NBEA: variants seen among roughly 807,000 people sequenced by gnomAD.
The protein encoded by NBEA is lysosomal-trafficking regulator 2.
Under a neutral mutation model 343.4 loss-of-function variants are expected in NBEA, and 44 were observed. That is an observed-to-expected ratio of 0.13 (90% CI 0.10 to 0.16). The LOEUF is 0.16. Among genes scored for constraint, NBEA ranks in the 10% least tolerant of loss-of-function variants. NBEA has a pLI of 1.00. For synonymous variants in NBEA, 1,175 were observed against 1,238.7 expected, an observed-to-expected ratio of 0.95 and a Z score of 1.08; for missense variants, 2,555 against 3,631.3, an observed-to-expected ratio of 0.70 and a Z score of 7.62.
intron 31 of NBEA, among the ~76,000 whole-genome samples, chr13:35,202,545 A>G (rs1593727235): frequency 1.3e-5 from 2 of 152,164 alleles, no homozygotes; most frequent in East Asian, 1.9e-4. Context: ...ATGTACACAG[A>G]TAAGATAGTA....
chr13:35,150,412 G>T (rs1220323135), intron 18 of NBEA, among the ~76,000 whole-genome samples: 1 of 151,972 alleles, frequency 6.6e-6, no homozygotes, highest in Non-Finnish European at 1.5e-5. Flanking sequence ...ACTGTTTCTG[G>T]ATCACCAGAG....
At position 35,121,786 on chromosome 13, in the gene NBEA, G is replaced by T. The variant is rs1484146626; in HGVS notation, c.2244-1696G>T. ...TAAAAATAATGACTTTAAGCTATTT[G>T]TTCCCCTTTGTATCACTGAAACTAT... On this transcript the variant is annotated intron_variant, in intron 16 of 58. Transcript: ENST00000379939. 2.6e-5 allele frequency among the ~76,000 whole-genome samples: 4 copies of T among 151,934 alleles called. No individual in the cohort carries two copies. The East Asian group carries it at 5.8e-4, about 22-fold the overall frequency.
chr13:35,441,155 C>G (rs2152937092), intron 39 of NBEA, among the ~76,000 whole-genome samples: 1 of 152,208 alleles, frequency 6.6e-6, no homozygotes, highest in South Asian at 2.1e-4. Flanking sequence ...TCAAAAATCT[C>G]CTACCCCCAT....
intron 39 of NBEA, among the ~76,000 whole-genome samples, chr13:35,440,968 C>T (rs527832681): frequency 1.6e-4 from 24 of 152,290 alleles, no homozygotes; most frequent in Admixed American, 1.1e-3. Flanking sequence ...GTATCATTCC[C>T]AGGATATGTA....
chr13:35,630,361 A>G (rs1178485565), intron 49 of NBEA, among the ~76,000 whole-genome samples: 2 of 152,236 alleles, frequency 1.3e-5, no homozygotes, highest in Non-Finnish European at 2.9e-5. Context: ...TTAATGAAAC[A>G]TTACATAGAA....
intron 1 of NBEA, among the ~76,000 whole-genome samples, chr13:34,987,229 A>G (rs1318835267): frequency 6.6e-6 from 1 of 150,788 alleles, no homozygotes; most frequent in Non-Finnish European, 1.5e-5. Context: ...CTTGTCTGTA[A>G]AGGATTTTAT....
chr13:35,349,246 C>A lies in NBEA; in HGVS notation c.6012+30C>A, dbSNP rs202124350. Reference sequence around the variant, plus strand: ...GGTTTTGGGAGTAGACTAAATTCTGCCTTTCTATTATAAGCCAAAAATCAC... The same window carrying A: ...GGTTTTGGGAGTAGACTAAATTCTGACTTTCTATTATAAGCCAAAAATCAC... On this transcript the variant is annotated intron_variant, in intron 37 of 58. Transcript: ENST00000379939. 3.6e-6 allele frequency: 5 copies of A among 1,378,150 alleles called. No individual in the cohort carries two copies. The East Asian group carries it at 9.5e-5, about 26-fold the overall frequency. 85.4% of individuals were successfully genotyped at this position (1,378,150 alleles called of 1,614,324 possible).
intron 1 of NBEA, among the ~76,000 whole-genome samples, chr13:34,973,765 C>A (rs1356440270): frequency 6.6e-6 from 1 of 152,188 alleles, no homozygotes; most frequent in Non-Finnish European, 1.5e-5. Context: ...GTCTTATCCT[C>A]TGTGGTGCCA....
intron 48 of NBEA, among the ~76,000 whole-genome samples, chr13:35,621,131 G>A (rs1193732507): frequency 6.6e-6 from 1 of 152,158 alleles, no homozygotes; most frequent in Non-Finnish European, 1.5e-5. Context: ...TAAGGCTAAT[G>A]TCTGACATAT....
At chr13:35,285,395 A>AT (rs1566566945) in intron 34 of NBEA, among the ~76,000 whole-genome samples, 1 of 152,204 alleles carries the variant, frequency 6.6e-6, no homozygotes, top group Non-Finnish European at 1.5e-5. Flanking sequence ...GGCATATTTG[A>AT]TTTTTAAAAT....
At chr13:35,601,174 C>A in intron 47 of NBEA, among the ~76,000 whole-genome samples, 1 of 37,980 alleles carries the variant, frequency 2.6e-5, no homozygotes, top group East Asian at 1.6e-3. Flanking sequence ...AAAACTGCAT[C>A]TCAACAAAAA....
intron 1 of NBEA, among the ~76,000 whole-genome samples, chr13:35,004,845 T>C (rs1187129440): frequency 6.6e-6 from 1 of 152,182 alleles, no homozygotes; most frequent in Non-Finnish European, 1.5e-5. Flanking sequence ...AGGATATTAA[T>C]AGAACAGTGT....
intron 41 of NBEA, among the ~76,000 whole-genome samples, chr13:35,499,341 C>G (rs1379900335): frequency 6.6e-6 from 1 of 152,038 alleles, no homozygotes; most frequent in Non-Finnish European, 1.5e-5. Flanking sequence ...ATAAGAGGCA[C>G]TTCTCAAGAG....
chr13:35,377,305 T>A (rs1258408745), intron 38 of NBEA, among the ~76,000 whole-genome samples: 2 of 152,108 alleles, frequency 1.3e-5, no homozygotes, highest in Non-Finnish European at 2.9e-5. Context: ...GAACACTGTC[T>A]AGGGATTGCA....
At chr13:35,022,194 A>G (rs1239936994) in intron 1 of NBEA, among the ~76,000 whole-genome samples, 1 of 152,054 alleles carries the variant, frequency 6.6e-6, no homozygotes, top group Non-Finnish European at 1.5e-5. Flanking sequence ...TCCTTACTAT[A>G]TCTATTGTTA....
intron 18 of NBEA, among the ~76,000 whole-genome samples, chr13:35,150,718 A>G (rs2068721351): frequency 6.6e-6 from 1 of 152,126 alleles, no homozygotes; most frequent in African/African-American, 2.4e-5. Flanking sequence ...AATAAATATT[A>G]CTACAACTCT....
Position 35,304,468 on chromosome 13 carries a change from C to T in NBEA, c.5839-5060C>T, listed in dbSNP as rs1287116505. 2.6e-5 allele frequency among the ~76,000 whole-genome samples: 4 copies of T among 152,074 alleles called. No homozygotes were observed. The East Asian group carries it at 7.7e-4, about 29-fold the overall frequency. On this transcript the variant is annotated intron_variant, in intron 35 of 58. Coordinates refer to ENST00000379939, the MANE Select transcript of NBEA (RefSeq NM_001385012.1). ...CTCCTGATTCAAGCAATTCTCTTGC[C>T]TCAGCCTCCCGAGTAGCTGGGATTA...
At chr13:35,394,434 C>A (rs1219615586) in intron 38 of NBEA, among the ~76,000 whole-genome samples, 1 of 152,120 alleles carries the variant, frequency 6.6e-6, no homozygotes, top group African/African-American at 2.4e-5. Context: ...TTAAGTGTTA[C>A]AGTAAAGCTG....
chr13:35,461,177 A>G (rs1189849630), intron 40 of NBEA, among the ~76,000 whole-genome samples: 2 of 152,212 alleles, frequency 1.3e-5, no homozygotes, highest in East Asian at 3.8e-4. Context: ...GGGGACAAAC[A>G]AACATATTTA....
Sources: gnomAD v4.1 joint callset for allele counts (sites outside exome capture counted in the v4.1 genomes callset) on GRCh38, gnomAD v4.1.1 for gene constraint, MANE v1.5 for transcripts, NCBI Gene and HGNC (gene_info 2026-07-23, HGNC 2026-07-21) for gene names.